Variants in GCSAML observed in about 807,000 individuals in gnomAD.
GCSAML encodes germinal center associated signaling and motility like.
GCSAML carries 9 observed loss-of-function variants against 13.0 expected under a neutral mutation model. The observed-to-expected ratio is 0.69, with a 90% CI of 0.42 to 1.21. The LOEUF is 1.21. Ranked by LOEUF, GCSAML falls within the 50% of genes most tolerant of loss-of-function variation. The pLI, the probability that GCSAML is intolerant of heterozygous loss-of-function variation, is 0.00. For synonymous variants in GCSAML, 37 were observed against 52.9 expected (o/e 0.70, Z 1.31); for missense variants, 143 against 153.4 (o/e 0.93, Z 0.36).
chr1:247,554,548 A>T (rs563447160), intron 1 of GCSAML, among the ~76,000 whole-genome samples: 4 of 152,204 alleles, frequency 2.6e-5, no homozygotes, highest in Admixed American at 6.5e-5. Flanking sequence ...TTTCTTATGA[A>T]TGTATTTTAG....
At chr1:247,561,880 C>A (rs1668140284) in intron 2 of GCSAML, among the ~76,000 whole-genome samples, 1 of 152,006 alleles carries the variant, frequency 6.6e-6, no homozygotes, top group Admixed American at 6.6e-5. Context: ...GGGCGGCTCA[C>A]CCGGCGCCGC....
intron 1 of GCSAML, among the ~76,000 whole-genome samples, chr1:247,522,783 C>T (rs1208238301): frequency 2.6e-5 from 4 of 152,146 alleles, no homozygotes; most frequent in African/African-American, 7.2e-5. Flanking sequence ...TGCGGAAGGC[C>T]GCAGGGCCCT....
chr1:247,574,599 ATG>A lies in GCSAML; in HGVS notation c.*221_*222del, dbSNP rs1668764319. On this transcript the variant is annotated 3_prime_UTR_variant, in exon 5 of 5. Transcript: ENST00000366488. ...TTGACACAATGACCTAAAATATTCT[ATG>A]TGTTTTTGCTTGTAAAGTTTGAGGA... 3.7e-6 allele frequency: 2 copies of A among 545,730 alleles called. No individual in the cohort carries two copies. The highest frequency in any genetic ancestry group is 3.2e-6 in the Non-Finnish European group (1 of 316,532). 33.8% of individuals were successfully genotyped at this position (545,730 alleles called of 1,614,324 possible).
intron 2 of GCSAML, among the ~76,000 whole-genome samples, chr1:247,543,257 T>C (rs1276160157): frequency 6.6e-6 from 1 of 152,238 alleles, no homozygotes; most frequent in Non-Finnish European, 1.5e-5. Flanking sequence ...TATTGATATA[T>C]TAGTATTTAT....
At chr1:247,566,982 G>C (rs1169445733) in intron 4 of GCSAML, among the ~76,000 whole-genome samples, 1 of 151,788 alleles carries the variant, frequency 6.6e-6, no homozygotes, top group Non-Finnish European at 1.5e-5. Flanking sequence ...TGGATAGTTA[G>C]AGGCATAATA....
At chr1:247,534,128 T>C (rs181405303) in intron 2 of GCSAML, among the ~76,000 whole-genome samples, 182 of 152,328 alleles carry the variant, frequency 1.2e-3, no homozygotes, top group Non-Finnish European at 2.1e-3. Context: ...TCTCTCTCTT[T>C]CCTGAATTAT....
intron 3 of GCSAML, among the ~76,000 whole-genome samples, chr1:247,565,318 A>G (rs2103061616): frequency 6.6e-6 from 1 of 151,908 alleles, no homozygotes; most frequent in African/African-American, 2.4e-5. Context: ...AGATAGCACC[A>G]TTGCACTCCA....
intron 1 of GCSAML, among the ~76,000 whole-genome samples, chr1:247,516,254 G>A (rs1314271365): frequency 1.3e-5 from 2 of 152,302 alleles, no homozygotes; most frequent in African/African-American, 4.8e-5. Context: ...AATGTTATAA[G>A]ACAATTTGTA....
chr1:247,550,430 G>A (rs1667728369), intron 1 of GCSAML, among the ~76,000 whole-genome samples: 1 of 152,112 alleles, frequency 6.6e-6, no homozygotes, highest in Non-Finnish European at 1.5e-5. Context: ...GAGGTCAGGA[G>A]ATCGAGACCA....
At chr1:247,521,758 G>GGA (rs1666439888) in intron 1 of GCSAML, among the ~76,000 whole-genome samples, 1 of 152,174 alleles carries the variant, frequency 6.6e-6, no homozygotes, top group African/African-American at 2.4e-5. Context: ...CGCCTGCCTT[G>GGA]GCCTCCCAAA....
At chr1:247,544,475 A>T (rs1236822101), upstream of GCSAML, among the ~76,000 whole-genome samples, 2 of 152,112 alleles carry the variant, frequency 1.3e-5, no homozygotes, top group African/African-American at 4.8e-5. Context: ...TTCCATTTAG[A>T]TTTGCAAATA....
intron 1 of GCSAML, among the ~76,000 whole-genome samples, chr1:247,509,331 G>A (rs1286664317): frequency 2.6e-5 from 4 of 152,180 alleles, no homozygotes; most frequent in Non-Finnish European, 5.9e-5. Context: ...GTATAGAAAT[G>A]CTTGTGAGTT....
intron 1 of GCSAML, among the ~76,000 whole-genome samples, chr1:247,511,848 G>C (rs1666049096): frequency 6.6e-6 from 1 of 152,188 alleles, no homozygotes; most frequent in Non-Finnish European, 1.5e-5. Flanking sequence ...ACTCTCTTCT[G>C]ACTTGTAGGG....
chr1:247,556,148 T>C (rs1572355029), intron 1 of GCSAML, among the ~76,000 whole-genome samples: 2 of 152,284 alleles, frequency 1.3e-5, no homozygotes, highest in East Asian at 1.9e-4. Flanking sequence ...GAAGTTTGCA[T>C]GTTGGGTCAC....
intron 2 of GCSAML, chr1:247,530,130 A>G (rs1666859307): frequency 6.6e-6 from 1 of 152,104 alleles, no homozygotes; most frequent in South Asian, 2.1e-4. Flanking sequence ...GGAAGATCCT[A>G]GTACGAAAGG....
intron 3 of GCSAML, among the ~76,000 whole-genome samples, chr1:247,564,446 A>G (rs978070273): frequency 6.6e-6 from 1 of 152,086 alleles, no homozygotes; most frequent in African/African-American, 2.4e-5. Context: ...TAATCATGTA[A>G]TTACTCAAAA....
At chr1:247,530,023 C>G (rs1666853213) in intron 2 of GCSAML, 1 of 149,764 alleles carries the variant, frequency 6.7e-6, no homozygotes, top group Non-Finnish European at 1.5e-5. Context: ...TCTTTTTTCT[C>G]TCTCTCCCCC....
intron 1 of GCSAML, among the ~76,000 whole-genome samples, chr1:247,555,363 A>G (rs1667913661): frequency 6.6e-6 from 1 of 152,256 alleles, no homozygotes; most frequent in Non-Finnish European, 1.5e-5. Flanking sequence ...AATCTACACT[A>G]TTAAATAAAC....
chr1:247,550,603 C>G (rs1306770592), intron 1 of GCSAML, among the ~76,000 whole-genome samples: 3 of 152,064 alleles, frequency 2.0e-5, no homozygotes, highest in East Asian at 1.9e-4. Flanking sequence ...CGCCACTGCA[C>G]TCCAGCCTGG....
Sources: allele counts gnomAD v4.1 joint callset (sites outside exome capture counted in the v4.1 genomes callset), GRCh38; gene constraint gnomAD v4.1.1; transcripts MANE v1.5; gene names NCBI Gene and HGNC (gene_info 2026-07-23, HGNC 2026-07-21).